LARGE1: variants seen among roughly 807,000 people sequenced by gnomAD.
LARGE1 encodes the protein LARGE xylosyl- and glucuronyltransferase 1, also known as xylosyl- and glucuronyltransferase LARGE1.
LARGE1 carries 43 observed loss-of-function variants against 87.6 expected under a neutral mutation model. The observed-to-expected ratio is 0.49, with a 90% CI of 0.38 to 0.63. The LOEUF is 0.63. LARGE1 is among the 30% of genes least tolerant of loss of function. The probability of loss-of-function intolerance (pLI) is 0.00; values close to 1 mark genes in which losing one functional copy is unlikely to be tolerated. For missense variants in LARGE1, 802 were observed against 1,000.2 expected, an observed-to-expected ratio of 0.80 and a Z score of 2.67; for synonymous variants, 434 against 394.6, an observed-to-expected ratio of 1.10 and a Z score of -1.18.
intron 2 of LARGE1, among the ~76,000 whole-genome samples, chr22:33,739,494 C>CAATG (rs2149510713): frequency 6.6e-6 from 1 of 152,328 alleles, no homozygotes; most frequent in South Asian, 2.1e-4. Context: ...CCACGCAAGA[C>CAATG]AATGAAGTTG....
intron 11 of LARGE1, 60 bp from the exon 12 acceptor site, chr22:33,304,567 G>A: frequency 6.7e-7 from 1 of 1,487,928 alleles, no homozygotes; most frequent in Non-Finnish European, 9.0e-7. Flanking sequence ...CATCCGCCGG[G>A]CCTGTTGTGG....
intron 7 of LARGE1, among the ~76,000 whole-genome samples, chr22:33,393,081 A>T (rs748884536): frequency 1.6e-4 from 25 of 152,232 alleles, no homozygotes; most frequent in Non-Finnish European, 4.4e-5. Context: ...CTGTATGGAA[A>T]ATTATGAGCT....
At chr22:33,471,088 C>A (rs868547830) in intron 6 of LARGE1, among the ~76,000 whole-genome samples, 1 of 142,526 alleles carries the variant, frequency 7.0e-6, no homozygotes, top group East Asian at 2.1e-4. Flanking sequence ...AGTAAGGTGG[C>A]GTGATCTCTG....
intron 11 of LARGE1, among the ~76,000 whole-genome samples, chr22:33,242,768 T>C (rs1926581421): frequency 6.6e-6 from 1 of 152,172 alleles, no homozygotes; most frequent in Non-Finnish European, 1.5e-5. Flanking sequence ...CAGAAAAGTA[T>C]TGTCTCACAG....
intron 6 of LARGE1, among the ~76,000 whole-genome samples, chr22:33,518,646 G>A (rs2071421301): frequency 6.6e-6 from 1 of 152,164 alleles, no homozygotes; most frequent in Admixed American, 6.5e-5. Flanking sequence ...ACTGGCTCTG[G>A]AGTCTGGGCC....
chr22:33,182,720 C>G (rs1923236591), intron 11 of LARGE1, among the ~76,000 whole-genome samples: 1 of 152,186 alleles, frequency 6.6e-6, no homozygotes, highest in Admixed American at 6.5e-5. Context: ...GAGGGAACAA[C>G]AGTTTCTTCA....
intron 7 of LARGE1, among the ~76,000 whole-genome samples, chr22:33,397,465 A>C (rs1428287019): frequency 1.3e-5 from 2 of 152,180 alleles, no homozygotes; most frequent in Non-Finnish European, 2.9e-5. Flanking sequence ...TCTGAGCTTT[A>C]TATGCTTTGA....
At chr22:33,766,356 C>T (rs1300275698) in intron 1 of LARGE1, among the ~76,000 whole-genome samples, 1 of 152,136 alleles carries the variant, frequency 6.6e-6, no homozygotes, top group Non-Finnish European at 1.5e-5. Flanking sequence ...TCTGTCGTCT[C>T]CCATCTGTCT....
chr22:33,780,477 G>A (rs2085384037), intron 1 of LARGE1, among the ~76,000 whole-genome samples: 1 of 152,164 alleles, frequency 6.6e-6, no homozygotes, highest in African/African-American at 2.4e-5. Flanking sequence ...CTGGAGGATG[G>A]ACAGCACGGT....
At chr22:33,851,331 G>A (rs1174304715) in intron 1 of LARGE1, among the ~76,000 whole-genome samples, 5 of 152,104 alleles carry the variant, frequency 3.3e-5, no homozygotes, top group African/African-American at 7.2e-5. Context: ...TCTCTCTACC[G>A]CCCCAGCCTT....
the LARGE1 span, among the ~76,000 whole-genome samples, chr22:33,125,065 C>T: frequency 6.6e-6 from 1 of 152,140 alleles, no homozygotes; most frequent in Admixed American, 6.5e-5. Context: ...TGGGTGATAA[C>T]TCTCTGGGTA....
intron 1 of LARGE1, among the ~76,000 whole-genome samples, chr22:33,811,573 C>T (rs1348376683): frequency 3.9e-5 from 6 of 152,230 alleles, no homozygotes; most frequent in Admixed American, 3.3e-4. Context: ...CAAATATTCG[C>T]AACGTGGAAG....
At chr22:33,597,843 T>G (rs554498558) in intron 5 of LARGE1, among the ~76,000 whole-genome samples, 1 of 152,162 alleles carries the variant, frequency 6.6e-6, no homozygotes, top group Non-Finnish European at 1.5e-5. Flanking sequence ...TAGGGCCTTG[T>G]CTGAAAACTG....
At chr22:33,681,186 C>T (rs940705787) in intron 2 of LARGE1, among the ~76,000 whole-genome samples, 4 of 152,134 alleles carry the variant, frequency 2.6e-5, no homozygotes, top group African/African-American at 9.7e-5. Context: ...AGATTTATAT[C>T]TGAAATTGTC....
chr22:33,201,785 A>G (rs1178341375), intron 11 of LARGE1, among the ~76,000 whole-genome samples: 4 of 152,160 alleles, frequency 2.6e-5, no homozygotes, highest in Non-Finnish European at 5.9e-5. Flanking sequence ...CCATGAACGA[A>G]ATGGAGATCC....
intron 6 of LARGE1, among the ~76,000 whole-genome samples, chr22:33,513,102 T>C (rs2071129744): frequency 6.6e-6 from 1 of 152,040 alleles, no homozygotes; most frequent in Non-Finnish European, 1.5e-5. Flanking sequence ...AGCACGGCTG[T>C]CAGGATGTGT....
intron 1 of LARGE1, among the ~76,000 whole-genome samples, chr22:33,866,212 G>A (rs184042177): frequency 1.0e-3 from 152 of 152,196 alleles, no homozygotes; most frequent in African/African-American, 3.5e-3. Flanking sequence ...AAAGCAATCT[G>A]CCTCAGCCTC....
intron 2 of LARGE1, among the ~76,000 whole-genome samples, chr22:33,693,750 G>A (rs536498708): frequency 1.6e-4 from 24 of 152,248 alleles, no homozygotes; most frequent in Non-Finnish European, 2.9e-4. Flanking sequence ...CTTGAACCCC[G>A]GAGGCGGAAG....
intron 2 of LARGE1, among the ~76,000 whole-genome samples, chr22:33,727,122 G>A (rs1159374854): frequency 6.6e-6 from 1 of 152,190 alleles, no homozygotes; most frequent in Non-Finnish European, 1.5e-5. Flanking sequence ...GGAGGAGCTG[G>A]AAGACAGTTA....
Sources: allele counts gnomAD v4.1 joint callset (sites outside exome capture counted in the v4.1 genomes callset), GRCh38; gene constraint gnomAD v4.1.1; transcripts MANE v1.5; gene names NCBI Gene and HGNC (gene_info 2026-07-23, HGNC 2026-07-21).